PCDHA5: variants seen among roughly 807,000 people sequenced by gnomAD.
PCDHA5 encodes the protein protocadherin alpha-5.
PCDHA5 carries 43 observed loss-of-function variants against 61.6 expected under a neutral mutation model. That is an observed-to-expected ratio of 0.70 (90% confidence interval 0.55 to 0.90). The LOEUF (loss-of-function observed/expected upper bound fraction) is 0.90. PCDHA5 is among the 40% of genes least tolerant of loss of function. The pLI is 0.00. For synonymous variants in PCDHA5, 627 were observed against 543.9 expected, an observed-to-expected ratio of 1.15 and a Z score of -2.13; for missense variants, 1,298 against 1,222.7, an observed-to-expected ratio of 1.06 and a Z score of -0.92.
At position 140,853,383 on chromosome 5, in the gene PCDHA5, A is replaced by T. The variant is rs2150531366; in HGVS notation, c.2352+29256A>T. ...GGATCCAGAGATGGTAAAATTCAAAACAGCCTGTCAAGTTCAAAACAGAGA... is the reference window on the plus strand; with the variant it reads ...GGATCCAGAGATGGTAAAATTCAAATCAGCCTGTCAAGTTCAAAACAGAGA... On this transcript the variant is annotated intron_variant, in intron 1 of 3. Transcript: ENST00000529859. 4 of 985,712 alleles carry T rather than the reference A, an allele frequency of 4.1e-6. No homozygotes were observed. In the Admixed American group the frequency reaches 1.9e-4, roughly 47 times the overall value. The allele number at this position is 985,712 out of a possible 1,614,324, so 61.1% of individuals were successfully genotyped here.
intron 1 of PCDHA5, chr5:140,876,048 T>C (rs376201695): frequency 6.2e-7 from 1 of 1,613,930 alleles, no homozygotes. Context: ...GTATATTGCC[T>C]GAATTAGTTC....
intron 1 of PCDHA5, chr5:140,869,808 C>A: frequency 6.2e-7 from 1 of 1,612,402 alleles, no homozygotes; most frequent in South Asian, 1.1e-5. Context: ...TCTTGGATGT[C>A]AACGACAATG....
intron 1 of PCDHA5, among the ~76,000 whole-genome samples, chr5:140,890,937 A>G (rs2153432428): frequency 6.6e-6 from 1 of 152,254 alleles, no homozygotes; most frequent in South Asian, 2.1e-4. Flanking sequence ...TAGTCCAAAG[A>G]TGCTGGTGAG....
At chr5:140,828,625 C>T (rs1202747267) in intron 1 of PCDHA5, 5 of 1,614,096 alleles carry the variant, frequency 3.1e-6, no homozygotes, top group African/African-American at 1.3e-5. Context: ...GCGAATACTT[C>T]GGGCTAGATG....
intron 1 of PCDHA5, chr5:140,857,871 A>G (rs2044971374): frequency 6.3e-7 from 1 of 1,597,628 alleles, no homozygotes. Flanking sequence ...TGGCTGTCGT[A>G]TGAATTGCAG....
intron 1 of PCDHA5, chr5:140,834,141 GT>G (rs1772814209): frequency 2.0e-6 from 1 of 506,492 alleles, no homozygotes; most frequent in Non-Finnish European, 3.5e-6. Flanking sequence ...CTGATTAATA[GT>G]TTGTAATGGT....
intron 1 of PCDHA5, among the ~76,000 whole-genome samples, chr5:140,961,708 A>C (rs2095630610): frequency 6.6e-6 from 1 of 152,204 alleles, no homozygotes; most frequent in Non-Finnish European, 1.5e-5. Flanking sequence ...GAATGCCTTC[A>C]TTTCTAAGTG....
rs1019135464 is a variant in PCDHA5, at chr5:140,897,033, A to G, written c.2352+72906A>G. On this transcript the variant is annotated intron_variant, in intron 1 of 3. Transcript: ENST00000529859. ...TATACAACTAAATTATTTAGACCAT[A>G]GTCACCCTATTCTGCTGTCAAATAC... Among the ~76,000 whole-genome samples, 4 of 152,124 alleles carry G rather than the reference A, an allele frequency of 2.6e-5. No homozygotes were observed. The East Asian group carries it at 7.7e-4, about 29-fold the overall frequency.
Position 140,858,482 on chromosome 5 carries a change from A to G in PCDHA5, c.2352+34355A>G, listed in dbSNP as rs369228910. The G allele has an allele frequency of 2.7e-6, 4 of 1,507,654 alleles. 1 individual carries two copies. In the African/African-American group the frequency reaches 5.6e-5, roughly 21 times the overall value. 93.4% of individuals were successfully genotyped at this position (1,507,654 alleles called of 1,614,324 possible). On this transcript the variant is annotated intron_variant, in intron 1 of 3. Transcript: ENST00000529859. Reference sequence around the variant, plus strand: ...TTTCCTTTTGTGCTTTATGAATAATATTTTCTCTTACCGCATTTTCTCAAA... The same window carrying G: ...TTTCCTTTTGTGCTTTATGAATAATGTTTTCTCTTACCGCATTTTCTCAAA...
intron 1 of PCDHA5, chr5:140,834,304 A>C: frequency 7.6e-7 from 1 of 1,322,818 alleles, no homozygotes; most frequent in Non-Finnish European, 1.0e-6. Context: ...ACACATCGAG[A>C]TTGAAATGAA....
intron 3 of PCDHA5, among the ~76,000 whole-genome samples, chr5:140,984,674 G>A (rs2097114009): frequency 6.6e-6 from 1 of 152,090 alleles, no homozygotes; most frequent in Non-Finnish European, 1.5e-5. Context: ...AGGTTTTTAG[G>A]ACTCAATATA....
chr5:140,967,257 G>A (rs782706939), intron 1 of PCDHA5: 2 of 1,613,486 alleles, frequency 1.2e-6, no homozygotes, highest in East Asian at 2.2e-5. Flanking sequence ...GTGGCGCCTG[G>A]AGCGCGCTTT....
chr5:140,855,777 G>T (rs1004478743), intron 1 of PCDHA5: 3 of 402,200 alleles, frequency 7.5e-6, no homozygotes, highest in Non-Finnish European at 1.3e-5. Context: ...ATAAAAATAC[G>T]TAAAAAAAGA....
At chr5:140,883,825 G>T in intron 1 of PCDHA5, 1 of 1,612,576 alleles carries the variant, frequency 6.2e-7, no homozygotes, top group South Asian at 1.1e-5. Context: ...AGGTGTACGC[G>T]CTGCAGCCGT....
intron 1 of PCDHA5, chr5:140,870,165 G>T (rs1223679164): frequency 1.2e-6 from 2 of 1,614,138 alleles, no homozygotes; most frequent in Non-Finnish European, 1.7e-6. Context: ...TGACTTCCTT[G>T]TCCCTCCCAG....
At chr5:140,966,455 C>G (rs376758355) in intron 1 of PCDHA5, 20 of 426,928 alleles carry the variant, frequency 4.7e-5, no homozygotes, top group East Asian at 2.8e-4. Flanking sequence ...CCCCCTCCCC[C>G]TCTGTCTTCC....
At chr5:140,857,347 G>A (rs781930086) in intron 1 of PCDHA5, 5 of 1,598,352 alleles carry the variant, frequency 3.1e-6, no homozygotes, top group Non-Finnish European at 4.3e-6. Context: ...GCTCGCCTCC[G>A]CTGTGGGCCA....
chr5:140,836,386 C>T, intron 1 of PCDHA5: 1 of 1,613,722 alleles, frequency 6.2e-7, no homozygotes, highest in Non-Finnish European at 8.5e-7. Context: ...GTGCTGGTGT[C>T]GCTGGTGGAA....
chr5:140,900,752 T>C lies in PCDHA5; in HGVS notation c.2352+76625T>C, dbSNP rs565842266. On this transcript the variant is annotated intron_variant, in intron 1 of 3. Coordinates refer to ENST00000529859, the MANE Select transcript of PCDHA5 (RefSeq NM_018908.3). ...GCAGTGGGATTTCTGGATCACTTGG[T>C]AGCTCTATTTTTGGCTTTTTGAGGA... Among the ~76,000 whole-genome samples, 3 of 152,272 alleles carry C rather than the reference T, an allele frequency of 2.0e-5. No homozygotes were observed. In the East Asian group the frequency reaches 5.8e-4, roughly 29 times the overall value.
Sources: allele counts gnomAD v4.1 joint callset (sites outside exome capture counted in the v4.1 genomes callset), GRCh38; gene constraint gnomAD v4.1.1; transcripts MANE v1.5; gene names NCBI Gene and HGNC (gene_info 2026-07-23, HGNC 2026-07-21).